Variants in DMXL2 observed in about 807,000 individuals in gnomAD.
DMXL2 encodes Dmx like 2.
In DMXL2, 103 loss-of-function variants were observed where a neutral mutation model predicts 331.1. That is an observed-to-expected ratio of 0.31 (90% CI 0.27 to 0.37). The LOEUF (loss-of-function observed/expected upper bound fraction) is 0.37. Among genes scored for constraint, DMXL2 ranks in the 10% least tolerant of loss-of-function variants. The pLI is 1.00. For missense variants in DMXL2, 3,171 were observed against 3,642.9 expected, an observed-to-expected ratio of 0.87 and a Z score of 3.33; for synonymous variants, 1,281 against 1,252.1, an observed-to-expected ratio of 1.02 and a Z score of -0.49.
intron 32 of DMXL2, among the ~76,000 whole-genome samples, chr15:51,464,247 CA>C (rs2040378448): frequency 6.6e-6 from 1 of 151,802 alleles, no homozygotes; most frequent in African/African-American, 2.4e-5. Context: ...ACAAAAAATA[CA>C]AAAAAAATTA....
intron 17 of DMXL2, among the ~76,000 whole-genome samples, chr15:51,502,379 G>A (rs1196061351): frequency 1.3e-5 from 2 of 150,000 alleles, no homozygotes; most frequent in African/African-American, 5.0e-5. Context: ...CTGGAATGCA[G>A]TAGTGTGATG....
intron 1 of DMXL2, among the ~76,000 whole-genome samples, chr15:51,586,068 A>T (rs1479260207): frequency 6.6e-6 from 1 of 152,236 alleles, no homozygotes; most frequent in Non-Finnish European, 1.5e-5. Context: ...GACATGATTC[A>T]GTTATTCTAA....
intron 15 of DMXL2, among the ~76,000 whole-genome samples, chr15:51,512,816 GAA>G (rs201329133): frequency 1.2e-4 from 16 of 129,498 alleles, no homozygotes; most frequent in African/African-American, 2.7e-4. Context: ...CTCTGTCTCG[GAA>G]AAAAAAAAAA....
Position 51,464,770 on chromosome 15 carries a change from G to A in DMXL2, c.7713C>T (p.Asn2571=). The A allele has an allele frequency of 6.2e-7, 1 of 1,614,144 alleles. No homozygotes were observed. ...GGTCAGTTGGATATGTGTTGATATA[G>A]TTAGGGGGTGGACCTTCAAACTGAT... The part of the protein sequence containing the change: ...KMDQFEGPPP[N]YINTYPTDLS... Residue 2571 remains asparagine (N), a synonymous_variant, in exon 32 of 44, where the codon AAC becomes AAT. Transcript: ENST00000560891.
chr15:51,572,203 T>C (rs1349809010), intron 2 of DMXL2, among the ~76,000 whole-genome samples: 1 of 146,508 alleles, frequency 6.8e-6, no homozygotes, highest in Admixed American at 6.9e-5. Flanking sequence ...GATAAATTCC[T>C]GGACACATAC....
rs567796438 is a variant in DMXL2 at position 51,622,718 on chromosome 15, A to C, written c.-173T>G. 1.3e-5 allele frequency: 17 copies of C among 1,298,586 alleles called. No homozygotes were observed. The African/African-American group carries it at 2.3e-4, about 18-fold the overall frequency. The allele number at this position is 1,298,586 out of a possible 1,614,324, so 80.4% of individuals were successfully genotyped here. A position where few individuals can be genotyped will look rare whatever the true frequency, so the allele number is the denominator to read the frequency against. ...GCCTTCCCTCCGCCTCGTCCCTGCC[A>C]TGGGAGCTCCTCGACCGCCGCCGCC... On this transcript the variant is annotated 5_prime_UTR_variant, in exon 1 of 44. It removes an upstream start codon present in the reference 5' UTR. Coordinates refer to ENST00000560891, the MANE Select transcript of DMXL2 (RefSeq NM_001378457.1).
At chr15:51,583,395 C>G (rs1214762188) in intron 1 of DMXL2, among the ~76,000 whole-genome samples, 1 of 74,476 alleles carries the variant, frequency 1.3e-5, no homozygotes, top group African/African-American at 5.0e-5. Context: ...TTTGTTCTTG[C>G]GATAGTTTAC....
chr15:51,588,867 T>G (rs1161781043), intron 1 of DMXL2, among the ~76,000 whole-genome samples: 1 of 152,178 alleles, frequency 6.6e-6, no homozygotes, highest in Non-Finnish European at 1.5e-5. Flanking sequence ...ATGAAAGATT[T>G]CAGCTAGATC....
At chr15:51,470,280 C>G (rs1287825048) in intron 29 of DMXL2, among the ~76,000 whole-genome samples, 1 of 152,048 alleles carries the variant, frequency 6.6e-6, no homozygotes, top group Non-Finnish European at 1.5e-5. Context: ...GAACTACAGG[C>G]AAACAGCACT....
Position 51,485,935 on chromosome 15 carries a change from CACAAGAA to C in DMXL2, c.5482+131_5482+137del, listed in dbSNP as rs2042362945. 1.6e-5 allele frequency: 14 copies of C among 880,150 alleles called. No individual in the cohort carries two copies. The South Asian group carries it at 2.8e-4, about 18-fold the overall frequency. 54.5% of individuals were successfully genotyped at this position (880,150 alleles called of 1,614,324 possible). A position where few individuals can be genotyped will look rare whatever the true frequency, so the allele number is the denominator to read the frequency against. ...GTAATCCTATCTAATCCTTTAGACA[CACAAGAA>C]ATTTTAATAATAAATTCTCAAAGTT... is the stretch of plus-strand genomic sequence containing the variant. On this transcript the variant is annotated intron_variant, in intron 23 of 43. Transcript: ENST00000560891.
chr15:51,533,652 T>A (rs77210234), intron 13 of DMXL2, among the ~76,000 whole-genome samples: 2,914 of 152,314 alleles, frequency 0.019, 88 homozygotes, highest in African/African-American at 0.067. Context: ...TTAAAACAAA[T>A]CACCTCATGT....
chr15:51,452,714 C>T (rs1360975259), intron 41 of DMXL2, among the ~76,000 whole-genome samples: 1 of 152,168 alleles, frequency 6.6e-6, no homozygotes, highest in Non-Finnish European at 1.5e-5. Flanking sequence ...AGCAGAACTA[C>T]CATTCAATCC....
At chr15:51,595,302 G>A (rs2052716510) in intron 1 of DMXL2, among the ~76,000 whole-genome samples, 1 of 152,190 alleles carries the variant, frequency 6.6e-6, no homozygotes, top group Non-Finnish European at 1.5e-5. Flanking sequence ...GCCAAATCAT[G>A]AGTGAACTCC....
chr15:51,586,330 G>A (rs2051821474), intron 1 of DMXL2, among the ~76,000 whole-genome samples: 2 of 152,096 alleles, frequency 1.3e-5, no homozygotes, highest in South Asian at 4.1e-4. Flanking sequence ...GCAAAGCTGT[G>A]GGTGCTATGT....
intron 13 of DMXL2, among the ~76,000 whole-genome samples, chr15:51,525,997 C>A (rs1162304718): frequency 6.6e-6 from 1 of 151,722 alleles, no homozygotes. Flanking sequence ...TGGGCAAGAA[C>A]CAGTGCTGTG....
intron 6 of DMXL2, among the ~76,000 whole-genome samples, chr15:51,548,174 T>C (rs1302236642): frequency 2.6e-5 from 4 of 152,136 alleles, no homozygotes; most frequent in Non-Finnish European, 5.9e-5. Context: ...GAAACTATCT[T>C]TTATAGTGCT....
intron 13 of DMXL2, among the ~76,000 whole-genome samples, chr15:51,519,244 GTAACTAGGAT>G (rs1430464482): frequency 6.6e-6 from 1 of 151,674 alleles, no homozygotes; most frequent in East Asian, 1.9e-4. Flanking sequence ...AGCCTCCCAA[GTAACTAGGAT>G]TACAGGTGCA....
intron 1 of DMXL2, among the ~76,000 whole-genome samples, chr15:51,580,640 G>A (rs2051344718): frequency 6.6e-6 from 1 of 152,150 alleles, no homozygotes; most frequent in Non-Finnish European, 1.5e-5. Context: ...GAAGGCCCAA[G>A]AAAAGAGGAA....
At chr15:51,541,669 A>G (rs2048604077) in intron 9 of DMXL2, among the ~76,000 whole-genome samples, 1 of 152,188 alleles carries the variant, frequency 6.6e-6, no homozygotes, top group Non-Finnish European at 1.5e-5. Flanking sequence ...ACATACAACT[A>G]TAACTTTATA....
Sources: allele counts gnomAD v4.1 joint callset (sites outside exome capture counted in the v4.1 genomes callset), GRCh38; gene constraint gnomAD v4.1.1; transcripts MANE v1.5; gene names NCBI Gene and HGNC (gene_info 2026-07-23, HGNC 2026-07-21).